Variants in ACOT7 observed in about 807,000 individuals in gnomAD.
ACOT7 encodes the protein acyl-CoA thioesterase 7.
In ACOT7, 12 loss-of-function variants were observed where a neutral mutation model predicts 40.2. That is an observed-to-expected ratio of 0.30 (90% confidence interval 0.19 to 0.48). ACOT7 has a LOEUF of 0.48. Ranked by LOEUF, ACOT7 falls within the 20% of genes least tolerant of loss-of-function variation. ACOT7 has a pLI of 0.99. For missense variants in ACOT7, 395 were observed against 530.8 expected (o/e 0.74, Z 2.51); for synonymous variants, 228 against 219.5 (o/e 1.04, Z -0.34).
chr1:6,392,950 C>G (rs372295079), intron 1 of ACOT7, among the ~76,000 whole-genome samples: 1 of 151,952 alleles, frequency 6.6e-6, no homozygotes, highest in Non-Finnish European at 1.5e-5. Flanking sequence ...TGGAGCTGTG[C>G]ATTGACCTCC....
At chr1:6,271,305 A>G (rs1170912682) in intron 8 of ACOT7, among the ~76,000 whole-genome samples, 1 of 152,232 alleles carries the variant, frequency 6.6e-6, no homozygotes, top group African/African-American at 2.4e-5. Context: ...ATGGCGTAAA[A>G]AGGGTTTCCA....
chr1:6,334,303 T>C (rs546689459), intron 3 of ACOT7, among the ~76,000 whole-genome samples: 273 of 152,384 alleles, frequency 1.8e-3, no homozygotes, highest in Non-Finnish European at 2.9e-3. Context: ...CAACGTCTTC[T>C]GCAGATCCCA....
chr1:6,389,282 C>CA (rs146918079), intron 1 of ACOT7, among the ~76,000 whole-genome samples: 12,646 of 151,962 alleles, frequency 0.083, 577 homozygotes, highest in Non-Finnish European at 0.091. Context: ...AAAGAAAACA[C>CA]AAAAAAACCT....
rs1414550681 is a variant in ACOT7 at position 6,385,476 on chromosome 1, TA to T, written c.143+7780del. The T allele has an allele frequency of 1.2e-5, 19 of 1,602,240 alleles. 1 individual carries two copies. The highest frequency in any genetic ancestry group is 1.5e-5 in the Non-Finnish European group (18 of 1,172,882). On this transcript the variant is annotated intron_variant, in intron 1 of 8. Transcript: ENST00000361521. The stretch of plus-strand genomic sequence containing the variant: ...CAAGTGAGACACCATGGGCACAAAA[TA>T]TTCCCAGTCATCCTACCTTCCAGTA...
chr1:6,383,539 GT>G (rs201588214), intron 1 of ACOT7, among the ~76,000 whole-genome samples: 62 of 143,208 alleles, frequency 4.3e-4, no homozygotes, highest in Admixed American at 4.9e-4. Context: ...TTTTAACACA[GT>G]TTTTTTTTTT....
At chr1:6,295,858 T>G (rs1032722825) in intron 6 of ACOT7, among the ~76,000 whole-genome samples, 6 of 151,416 alleles carry the variant, frequency 4.0e-5, no homozygotes, top group African/African-American at 1.5e-4. Context: ...CAATAGTAGT[T>G]GCACAACTCT....
intron 5 of ACOT7, among the ~76,000 whole-genome samples, chr1:6,319,301 T>C (rs1640579717): frequency 1.3e-5 from 2 of 152,232 alleles, no homozygotes; most frequent in South Asian, 2.1e-4. Context: ...CAAGCAATTC[T>C]TGTGCCTCAG....
intron 1 of ACOT7, among the ~76,000 whole-genome samples, chr1:6,363,455 G>A (rs1641934162): frequency 6.6e-6 from 1 of 152,180 alleles, no homozygotes; most frequent in African/African-American, 2.4e-5. Flanking sequence ...CCGGAGGCCT[G>A]TCTCCCTGTG....
At chr1:6,283,078 G>A (rs1182911766) in intron 7 of ACOT7, among the ~76,000 whole-genome samples, 1 of 152,138 alleles carries the variant, frequency 6.6e-6, no homozygotes, top group African/African-American at 2.4e-5. Context: ...TGTCACACAC[G>A]GGGGCCACCC....
At chr1:6,393,143 ATCGGCGGGCGGGGGCGGCC>A in intron 1 of ACOT7, 95 bp downstream of exon 1, 4 of 1,111,570 alleles carry the variant, frequency 3.6e-6, no homozygotes, top group East Asian at 4.0e-5. Context: ...CGTGCGGGGA[ATCGGCGGGCGGGGGCGGCC>A]TCGGCGGGTG....
chr1:6,272,657 A>T (rs1200609620), intron 8 of ACOT7, among the ~76,000 whole-genome samples: 5 of 151,676 alleles, frequency 3.3e-5, no homozygotes, highest in Non-Finnish European at 7.4e-5. Context: ...TTGCCAGGAC[A>T]CTCCACACCC....
At position 6,264,826 on chromosome 1, in the gene ACOT7, C is replaced by T. The variant is rs748420060; in HGVS notation, c.1015-131G>A. 2.9e-4 allele frequency: 262 copies of T among 901,964 alleles called. 2 individuals carry two copies. In the East Asian group the frequency reaches 5.7e-3, roughly 20 times the overall value. The allele number at this position is 901,964 out of a possible 1,614,324, so 55.9% of individuals were successfully genotyped here. A position where few individuals can be genotyped will look rare whatever the true frequency, so the allele number is the denominator to read the frequency against. ...CACCCCTGGTGCATGCTGAGTACCACGCCTCGGCCCCGCTGGCCTCCTGGG... is the reference window on the plus strand; with the variant it reads ...CACCCCTGGTGCATGCTGAGTACCATGCCTCGGCCCCGCTGGCCTCCTGGG... On this transcript the variant is annotated intron_variant, in intron 8 of 8. Coordinates refer to ENST00000361521, the MANE Select transcript of ACOT7 (RefSeq NM_007274.4).
At chr1:6,277,870 C>T (rs528332454) in intron 8 of ACOT7, among the ~76,000 whole-genome samples, 2 of 152,318 alleles carry the variant, frequency 1.3e-5, no homozygotes, top group East Asian at 3.9e-4. Flanking sequence ...AGCAGGTGAA[C>T]AGCAGCAGAT....
intron 8 of ACOT7, among the ~76,000 whole-genome samples, chr1:6,276,624 C>T (rs1361065169): frequency 1.3e-5 from 2 of 149,294 alleles, no homozygotes; most frequent in African/African-American, 2.4e-5. Flanking sequence ...GAGGAGGGGC[C>T]GCCAGGGCAC....
chr1:6,385,834 G>T (rs144801076), intron 1 of ACOT7: 4 of 1,411,248 alleles, frequency 2.8e-6, no homozygotes, highest in Admixed American at 3.0e-5. Flanking sequence ...ACCAGCCCCC[G>T]GCAAGCCGCC....
chr1:6,380,789 C>T (rs1444659986), intron 1 of ACOT7, among the ~76,000 whole-genome samples: 2 of 146,980 alleles, frequency 1.4e-5, no homozygotes, highest in Admixed American at 1.4e-4. Flanking sequence ...TAGAAGAAAA[C>T]ATAAGGCTAA....
chr1:6,300,791 G>A (rs1051767578), intron 6 of ACOT7, among the ~76,000 whole-genome samples: 1 of 151,562 alleles, frequency 6.6e-6, no homozygotes, highest in Non-Finnish European at 1.5e-5. Flanking sequence ...GAATCTCACC[G>A]GACAGCACCC....
intron 4 of ACOT7, among the ~76,000 whole-genome samples, chr1:6,331,359 C>A (rs546371028): frequency 9.8e-5 from 15 of 152,320 alleles, no homozygotes; most frequent in Admixed American, 6.5e-4. Context: ...GCAGGCCGTG[C>A]GAAGATGGAG....
At chr1:6,265,959 T>C (rs1462738379) in intron 8 of ACOT7, among the ~76,000 whole-genome samples, 3 of 152,170 alleles carry the variant, frequency 2.0e-5, no homozygotes, top group Non-Finnish European at 4.4e-5. Context: ...TCCCCTCAGC[T>C]CTCTCCAAAA....
Sources: gnomAD v4.1 joint callset for allele counts (sites outside exome capture counted in the v4.1 genomes callset) on GRCh38, gnomAD v4.1.1 for gene constraint, MANE v1.5 for transcripts, NCBI Gene and HGNC (gene_info 2026-07-23, HGNC 2026-07-21) for gene names.